PLA2G4C: variants seen among roughly 807,000 people sequenced by gnomAD.
The protein encoded by PLA2G4C is cytosolic phospholipase A2 gamma.
PLA2G4C carries 64 observed loss-of-function variants against 73.8 expected under a neutral mutation model. The ratio of observed to expected loss-of-function variants is 0.87; its 90% confidence interval spans 0.71 to 1.07. The LOEUF (loss-of-function observed/expected upper bound fraction) is 1.07, where lower values mean the gene tolerates loss of function less well. Among genes scored for constraint, PLA2G4C ranks in the 50% least tolerant of loss-of-function variants. PLA2G4C has a pLI of 0.00. For synonymous variants in PLA2G4C, 254 were observed against 252.1 expected, an observed-to-expected ratio of 1.01 and a Z score of -0.07; for missense variants, 622 against 665.4, an observed-to-expected ratio of 0.93 and a Z score of 0.72.
At chr19:48,055,160 A>C in intron 14 of PLA2G4C, 111 bp from the exon 15 acceptor site, 2 of 971,336 alleles carry the variant, frequency 2.1e-6, no homozygotes, top group South Asian at 3.2e-5. Flanking sequence ...CCAGACACAC[A>C]ACAGAGCAAG....
At chr19:48,068,327 T>TG (rs1555744948) in intron 12 of PLA2G4C, among the ~76,000 whole-genome samples, 3 of 99,402 alleles carry the variant, frequency 3.0e-5, no homozygotes, top group African/African-American at 4.1e-5. Context: ...AAAAAAAAAG[T>TG]GGGGGGGTCA....
intron 13 of PLA2G4C, among the ~76,000 whole-genome samples, chr19:48,063,664 C>T (rs1041390859): frequency 6.7e-6 from 1 of 149,276 alleles, no homozygotes; most frequent in Non-Finnish European, 1.5e-5. Flanking sequence ...CAGGGCACCC[C>T]AGAGTTAACC....
At chr19:48,071,657 C>A (rs1410377947) in intron 12 of PLA2G4C, among the ~76,000 whole-genome samples, 1 of 152,058 alleles carries the variant, frequency 6.6e-6, no homozygotes, top group African/African-American at 2.4e-5. Flanking sequence ...GTTGCCCAGG[C>A]TTGCTGGTCT....
intron 14 of PLA2G4C, 183 bp downstream of exon 14, chr19:48,061,815 T>G: frequency 1.6e-6 from 1 of 637,126 alleles, no homozygotes; most frequent in Non-Finnish European, 2.8e-6. Flanking sequence ...CAGAAGTTCG[T>G]TGGATGTGGC....
intron 14 of PLA2G4C, among the ~76,000 whole-genome samples, chr19:48,059,495 A>T (rs1456507624): frequency 2.6e-5 from 4 of 152,086 alleles, no homozygotes; most frequent in Non-Finnish European, 4.4e-5. Context: ...GAGTCAGTGG[A>T]CTAGGAGAGG....
intron 14 of PLA2G4C, among the ~76,000 whole-genome samples, chr19:48,060,306 GGT>G (rs1272996136): frequency 6.6e-6 from 1 of 151,946 alleles, no homozygotes; most frequent in Non-Finnish European, 1.5e-5. Context: ...TAAAATCCGA[GGT>G]GTATTTTATC....
rs1456408276 is a variant in PLA2G4C, at chr19:48,050,727, T to C, written c.1580+2270A>G. Among the ~76,000 whole-genome samples the C allele has an allele frequency of 1.5e-5, 2 of 135,026 alleles. 1 individual carries two copies. Among genetic ancestry groups the C allele is most frequent in the South Asian group, 5.0e-4 (2 of 3,966 alleles). 88.6% of individuals were successfully genotyped at this position (135,026 alleles called of 152,430 possible). On this transcript the variant is annotated intron_variant, in intron 16 of 16. Coordinates refer to ENST00000599921, the MANE Select transcript of PLA2G4C (RefSeq NM_003706.3). Reference sequence around the variant, plus strand: ...TCTCGCTCTGTCATCGAAGCTGGAGTGCAGTGGTGTGATCTGGGCTCACTG... The same window carrying C: ...TCTCGCTCTGTCATCGAAGCTGGAGCGCAGTGGTGTGATCTGGGCTCACTG...
chr19:48,099,926 T>C, intron 4 of PLA2G4C, 66 bp from the exon 5 acceptor site: 1 of 1,189,476 alleles, frequency 8.4e-7, no homozygotes, highest in Non-Finnish European at 1.2e-6. Context: ...TGGGGAAAGA[T>C]GTGTGCAAGG....
chr19:48,088,499 C>T (rs1053424163), intron 9 of PLA2G4C, among the ~76,000 whole-genome samples, 187 bp downstream of exon 9: 1 of 152,050 alleles, frequency 6.6e-6, no homozygotes, highest in South Asian at 2.1e-4. Context: ...TACAGCACCC[C>T]CAAAAGATCA....
At chr19:48,103,953 G>A (rs189140345) in intron 4 of PLA2G4C, 4 of 152,048 alleles carry the variant, frequency 2.6e-5, no homozygotes, top group African/African-American at 9.7e-5. Flanking sequence ...ACCCAGGCTG[G>A]TGTGCAGTGG....
In PLA2G4C at chr19:48,065,279, G is replaced by GC. The variant is rs1015619574; in HGVS notation, c.1102+2511_1102+2512insG. ...AGAGGTGAGGGGTGAGGAGGGGTCG[G>GC]GGGGGGGCTTCCAGGTTATAGGTAG... is the stretch of plus-strand genomic sequence containing the variant. On this transcript the variant is annotated intron_variant, in intron 13 of 16. Transcript: ENST00000599921. 4.0e-3 allele frequency among the ~76,000 whole-genome samples: 557 copies of GC among 139,938 alleles called. 12 individuals carry two copies. The highest frequency in any genetic ancestry group is 0.015 in the African/African-American group (528 of 34,242). 91.8% of individuals were successfully genotyped at this position (139,938 alleles called of 152,430 possible).
chr19:48,095,538 G>A lies in PLA2G4C; in HGVS notation c.635C>T (p.Thr212Ile). The A allele has an allele frequency of 6.2e-7, 1 of 1,613,996 alleles. No homozygotes were observed. ...CTTCTTGAATTTGCTTCCGAAGTGG[G>A]TTATGGAAACAAAGGCCCCCAGTGC... Reference protein sequence around the residue: ...FSALGAFVSITHFGSKFKKGR... With the variant: ...FSALGAFVSIIHFGSKFKKGR... Residue 212 changes from threonine to isoleucine, a missense_variant, in exon 7 of 17, where the codon ACC (threonine) becomes ATC (isoleucine). Thr to Ile is a moderately conservative substitution (Grantham distance 89). Coordinates refer to ENST00000599921, the MANE Select transcript of PLA2G4C (RefSeq NM_003706.3).
At position 48,067,813 on chromosome 19, in the gene PLA2G4C, A is replaced by C; in HGVS notation, c.1080T>G (p.Thr360=). ...ICASKWEWGT[T]HNFLYKHGGI... ...CACCGTGTTTGTACAGGAAGTTGTGAGTGGTCCCCCATTCCCACTTTGAAG... is the reference window on the plus strand; with the variant it reads ...CACCGTGTTTGTACAGGAAGTTGTGCGTGGTCCCCCATTCCCACTTTGAAG... The change falls in exon 13 of 17, where the codon ACT becomes ACG. Residue 360 remains threonine, a synonymous_variant. Transcript: ENST00000599921. The C allele has an allele frequency of 1.2e-6, 2 of 1,611,572 alleles. No individual in the cohort carries two copies. The highest frequency in any genetic ancestry group is 1.7e-6 in the Non-Finnish European group (2 of 1,177,736).
Position 48,056,119 on chromosome 19 carries a change from A to T in PLA2G4C, c.1258-1070T>A, listed in dbSNP as rs976908880. 2.0e-4 allele frequency among the ~76,000 whole-genome samples: 31 copies of T among 152,218 alleles called. 1 individual carries two copies. Among genetic ancestry groups the T allele is most frequent in the African/African-American group, 6.8e-4 (28 of 41,456 alleles). On this transcript the variant is annotated intron_variant, in intron 14 of 16. Coordinates refer to ENST00000599921, the MANE Select transcript of PLA2G4C (RefSeq NM_003706.3). The stretch of plus-strand genomic sequence containing the variant: ...CTTCCGTGCTGTCCTGAACCAGAGC[A>T]AAAGGACACTGCATGTCTCATTACT...
At chr19:48,102,310 G>A (rs1431870869) in intron 4 of PLA2G4C, among the ~76,000 whole-genome samples, 1 of 151,768 alleles carries the variant, frequency 6.6e-6, no homozygotes, top group Non-Finnish European at 1.5e-5. Flanking sequence ...GGCCAACACG[G>A]GGAAACTCCG....
chr19:48,080,993 CAAAAAAAA>C (rs34388817), intron 10 of PLA2G4C, among the ~76,000 whole-genome samples: 382 of 102,880 alleles, frequency 3.7e-3, no homozygotes, highest in East Asian at 6.1e-3. Context: ...ACTAAAAATA[CAAAAAAAA>C]AAAAAAAAAA....
chr19:48,100,658 C>T (rs1169350241), intron 4 of PLA2G4C, among the ~76,000 whole-genome samples: 3 of 139,018 alleles, frequency 2.2e-5, no homozygotes, highest in African/African-American at 7.9e-5. Context: ...GCCTGTGATC[C>T]TAGCACTTTG....
chr19:48,099,557 T>G, intron 5 of PLA2G4C, 114 bp downstream of exon 5: 1 of 705,838 alleles, frequency 1.4e-6, no homozygotes, highest in South Asian at 2.1e-5. Flanking sequence ...TTTTGATGAC[T>G]TGAAAATCCT....
At chr19:48,081,826 A>C (rs949310325) in intron 10 of PLA2G4C, among the ~76,000 whole-genome samples, 1 of 137,292 alleles carries the variant, frequency 7.3e-6, no homozygotes, top group African/African-American at 2.5e-5. Context: ...CATGCCTGTA[A>C]TCCCAGCACT....
Sources: allele counts gnomAD v4.1 joint callset (sites outside exome capture counted in the v4.1 genomes callset), GRCh38; gene constraint gnomAD v4.1.1; transcripts MANE v1.5; gene names NCBI Gene and HGNC (gene_info 2026-07-23, HGNC 2026-07-21).